Variants in HAUS7 observed in about 807,000 individuals in gnomAD.
The protein encoded by HAUS7 is HAUS augmin-like complex subunit 7.
HAUS7 carries 3 observed loss-of-function variants against 28.4 expected under a neutral mutation model. The observed-to-expected ratio is 0.11, with a 90% CI of 0.05 to 0.27. HAUS7 has a LOEUF of 0.27. Ranked by LOEUF, HAUS7 falls within the 10% of genes least tolerant of loss-of-function variation. HAUS7 has a pLI of 1.00. For synonymous variants in HAUS7, 165 were observed against 132.1 expected, an observed-to-expected ratio of 1.25 and a Z score of -1.71; for missense variants, 284 against 297.3, an observed-to-expected ratio of 0.96 and a Z score of 0.33.
intron 4 of HAUS7, among the ~76,000 whole-genome samples, chrX:153,459,483 C>T (rs1185408145): frequency 9.9e-5 from 11 of 111,262 alleles, no homozygotes; most frequent in Non-Finnish European, 1.3e-4. Context: ...TCACTATGAA[C>T]ACCTGGATTT....
intron 1 of HAUS7, among the ~76,000 whole-genome samples, chrX:153,493,370 C>T (rs1427017109): frequency 8.9e-6 from 1 of 112,214 alleles, no homozygotes; most frequent in Non-Finnish European, 1.9e-5. Context: ...CTGTCCCGCT[C>T]TCTACCGACA....
chrX:153,464,589 T>C (rs1292415705), intron 3 of HAUS7, among the ~76,000 whole-genome samples: 7 of 112,701 alleles, frequency 6.2e-5, no homozygotes, highest in Non-Finnish European at 1.3e-4. Context: ...TGCTCACCTT[T>C]ATCCAACATT....
intron 1 of HAUS7, among the ~76,000 whole-genome samples, chrX:153,483,601 A>C (rs991715421): frequency 1.8e-5 from 2 of 111,168 alleles, no homozygotes; most frequent in Admixed American, 1.9e-4. Flanking sequence ...GCTCCAGGGG[A>C]GGACTTGTTC....
intron 1 of HAUS7, among the ~76,000 whole-genome samples, chrX:153,476,481 G>A (rs1296094328): frequency 8.9e-6 from 1 of 111,865 alleles, no homozygotes; most frequent in Non-Finnish European, 1.9e-5. Context: ...GTGAAGAGTG[G>A]GCTACATGGA....
rs782540145 is a variant in HAUS7 at position 153,470,519 on chromosome X, G to A, written c.39C>T (p.Asp13=). The change falls in exon 1 of 10, where the codon GAC becomes GAT. Residue 13 remains aspartate (D), a synonymous_variant. Coordinates refer to ENST00000370211, the MANE Select transcript of HAUS7 (RefSeq NM_001385482.1). ...GQDAGCGRGG[D]DYSEDEGDSS... is the part of the protein sequence containing the mutation. ...TGTCGCCCTCGTCCTCTGAGTAGTC[G>A]TCGCCGCCACGGCCGCAGCCAGCGT... 4 of 1,200,929 alleles carry A rather than the reference G, an allele frequency of 3.3e-6. No homozygotes were observed. The highest frequency in any genetic ancestry group is 4.4e-5 in the Admixed American group (2 of 45,595).
At chrX:153,490,511 C>G (rs1307458203) in intron 1 of HAUS7, among the ~76,000 whole-genome samples, 2 of 112,898 alleles carry the variant, frequency 1.8e-5, no homozygotes, top group East Asian at 5.6e-4. Context: ...AACCGCCCCA[C>G]CCCCTGAACC....
intron 9 of HAUS7, among the ~76,000 whole-genome samples, chrX:153,449,386 G>A (rs782796078): frequency 3.3e-4 from 37 of 112,308 alleles, no homozygotes; most frequent in Non-Finnish European, 5.5e-4. Flanking sequence ...CTCTCCACTC[G>A]CCATCAGCTT....
intron 1 of HAUS7, among the ~76,000 whole-genome samples, chrX:153,479,582 A>T (rs1286346944): frequency 9.0e-6 from 1 of 110,717 alleles, no homozygotes; most frequent in Non-Finnish European, 1.9e-5. Context: ...TGAGGCTGAG[A>T]GCGGGCTGGG....
chrX:153,460,674 A>C (rs2089377077), intron 4 of HAUS7, among the ~76,000 whole-genome samples: 1 of 112,018 alleles, frequency 8.9e-6, no homozygotes, highest in African/African-American at 3.3e-5. Context: ...CCAATGTGGA[A>C]ATATAAAGCA....
intron 8 of HAUS7, chrX:153,454,909 C>G (rs782431424): frequency 1.9e-6 from 2 of 1,038,447 alleles, no homozygotes; most frequent in Non-Finnish European, 2.6e-6. Flanking sequence ...CAGGACCAGC[C>G]AGTCAGAGGT....
At position 153,487,289 on chromosome X, in the gene HAUS7, T is replaced by A. The variant is rs2089645284; in HGVS notation, c.-589+8085A>T. Reference sequence around the variant, plus strand: ...TGGGGCAGCATCTGCACCTGATCCGTCTCATCCCTATCCTGGGCCTGGACC... The same window carrying A: ...TGGGGCAGCATCTGCACCTGATCCGACTCATCCCTATCCTGGGCCTGGACC... On this transcript the variant is annotated intron_variant, in intron 1 of 5. Transcript: ENST00000370210. Among the ~76,000 whole-genome samples, 7 of 111,567 alleles carry A rather than the reference T, an allele frequency of 6.3e-5. No individual in the cohort carries two copies. The Admixed American group carries it at 6.6e-4, about 10-fold the overall frequency.
chrX:153,493,391 C>G (rs781834385), intron 1 of HAUS7, among the ~76,000 whole-genome samples: 1 of 112,218 alleles, frequency 8.9e-6, no homozygotes, highest in Non-Finnish European at 1.9e-5. Flanking sequence ...TATTTCTCCA[C>G]GAATGAGTTG....
intron 8 of HAUS7, chrX:153,455,201 A>C: frequency 4.9e-6 from 2 of 411,108 alleles, no homozygotes; most frequent in Non-Finnish European, 8.9e-6. Flanking sequence ...GGACCTTGCT[A>C]TTTTGGAGCG....
At position 153,455,711 on chromosome X, in the gene HAUS7, A is replaced by G; in HGVS notation, c.761T>C (p.Leu254Pro). The G allele has an allele frequency of 8.3e-7, 1 of 1,205,842 alleles. No individual in the cohort carries two copies. The highest frequency in any genetic ancestry group is 1.1e-6 in the Non-Finnish European group (1 of 889,988). Reference sequence around the variant, plus strand: ...AGTGACCAGACGCAGCTTCTGGTCTAGGGTGCTGATGTCGGCTGCGCCCGC... The same window carrying G: ...AGTGACCAGACGCAGCTTCTGGTCTGGGGTGCTGATGTCGGCTGCGCCCGC... ...AAAGAADIST[L>P]DQKLRLVTSD... The change falls in exon 8 of 10, where the codon CTA (leucine) becomes CCA (proline). Residue 254 changes from leucine to proline, a missense_variant. Coordinates refer to ENST00000370211, the MANE Select transcript of HAUS7 (RefSeq NM_001385482.1).
intron 3 of HAUS7, among the ~76,000 whole-genome samples, chrX:153,463,283 A>G (rs2089416065): frequency 8.9e-6 from 1 of 111,876 alleles, no homozygotes; most frequent in Non-Finnish European, 1.9e-5. Context: ...TGTTGCAAGA[A>G]GTAAGCAGAG....
intron 8 of HAUS7, chrX:153,455,233 A>C (rs1016142460): frequency 1.3e-4 from 56 of 430,555 alleles, no homozygotes; most frequent in Middle Eastern, 5.1e-4. Flanking sequence ...CAGTGCGGCC[A>C]ACACAGGAAC....
At chrX:153,469,520 G>C (rs914261285) in intron 1 of HAUS7, among the ~76,000 whole-genome samples, 3 of 112,484 alleles carry the variant, frequency 2.7e-5, no homozygotes, top group Middle Eastern at 4.6e-3. Context: ...TAGAGACGGA[G>C]TTTCACCATG....
intron 1 of HAUS7, among the ~76,000 whole-genome samples, chrX:153,491,696 C>A (rs1556989624): frequency 8.8e-6 from 1 of 113,119 alleles, no homozygotes; most frequent in Non-Finnish European, 1.9e-5. Context: ...TGGCCTGGGG[C>A]CCTGTGCAGG....
chrX:153,481,960 CGGGGCT>C (rs1386903252), intron 1 of HAUS7: 2 of 412,520 alleles, frequency 4.8e-6, no homozygotes, highest in Non-Finnish European at 6.1e-6. Flanking sequence ...TCTCGGGGGC[CGGGGCT>C]GGGGCTGGGG....
Sources: gnomAD v4.1 joint callset for allele counts (sites outside exome capture counted in the v4.1 genomes callset) on GRCh38, gnomAD v4.1.1 for gene constraint, MANE v1.5 for transcripts, NCBI Gene and HGNC (gene_info 2026-07-23, HGNC 2026-07-21) for gene names.